Variants in ZFPM1 observed in about 807,000 individuals in gnomAD.
ZFPM1 encodes the protein zinc finger protein, FOG family member 1.
ZFPM1 carries 28 observed loss-of-function variants against 46.3 expected under a neutral mutation model. That is an observed-to-expected ratio of 0.60 (90% CI 0.45 to 0.83). ZFPM1 has a LOEUF of 0.83. ZFPM1 is among the 40% of genes least tolerant of loss of function. The pLI, the probability that ZFPM1 is intolerant of heterozygous loss-of-function variation, is 0.00. For synonymous variants in ZFPM1, 957 were observed against 675.9 expected, an observed-to-expected ratio of 1.42 and a Z score of -6.45; for missense variants, 1,878 against 1,432.4, an observed-to-expected ratio of 1.31 and a Z score of -5.02.
chr16:88,482,002 C>T (rs866645920), intron 1 of ZFPM1, among the ~76,000 whole-genome samples: 5 of 152,176 alleles, frequency 3.3e-5, no homozygotes, highest in African/African-American at 9.7e-5. Flanking sequence ...ATCTGTAGAC[C>T]GGGAAACTGA....
At chr16:88,456,439 G>C (rs1052106955) in intron 1 of ZFPM1, among the ~76,000 whole-genome samples, 2 of 152,160 alleles carry the variant, frequency 1.3e-5, no homozygotes, top group African/African-American at 4.8e-5. Context: ...AGACTGCTTT[G>C]GGGGAGGCCA....
chr16:88,452,533 C>T (rs144033621), upstream of ZFPM1, among the ~76,000 whole-genome samples: 1 of 152,392 alleles, frequency 6.6e-6, no homozygotes, highest in South Asian at 2.1e-4. Context: ...GACCCGAGAT[C>T]CTGCTCTCAG....
chr16:88,507,080 C>G (rs1214241085), intron 3 of ZFPM1, among the ~76,000 whole-genome samples: 1 of 152,142 alleles, frequency 6.6e-6, no homozygotes, highest in African/African-American at 2.4e-5. Context: ...AGGGGCTTCA[C>G]GGAGGGCCCA....
intron 3 of ZFPM1, among the ~76,000 whole-genome samples, chr16:88,513,616 C>A (rs1361723467): frequency 2.6e-5 from 4 of 152,208 alleles, no homozygotes; most frequent in African/African-American, 9.7e-5. Flanking sequence ...GGCTGAGGCT[C>A]CAGGAGGCAG....
intron 1 of ZFPM1, 38 bp from the exon 2 acceptor site, chr16:88,485,901 A>G: frequency 6.2e-7 from 1 of 1,602,156 alleles, no homozygotes; most frequent in Non-Finnish European, 8.5e-7. Flanking sequence ...CTGTCCCCCC[A>G]GAGCTCCTCC....
intron 1 of ZFPM1, among the ~76,000 whole-genome samples, chr16:88,457,956 G>A (rs1432810333): frequency 6.6e-6 from 1 of 152,194 alleles, no homozygotes; most frequent in Non-Finnish European, 1.5e-5. Context: ...AGGGAAGGCA[G>A]ACAGCTCATG....
At chr16:88,483,891 C>T (rs564914248) in intron 1 of ZFPM1, among the ~76,000 whole-genome samples, 4 of 152,336 alleles carry the variant, frequency 2.6e-5, no homozygotes, top group South Asian at 4.1e-4. Context: ...CTGCATGGAA[C>T]GGCGGGGTCA....
chr16:88,466,996 G>A (rs1273727222), intron 1 of ZFPM1, among the ~76,000 whole-genome samples: 1 of 152,118 alleles, frequency 6.6e-6, no homozygotes, highest in East Asian at 1.9e-4. Flanking sequence ...ACGAGCCGGG[G>A]CGAGGGTCCC....
In ZFPM1 at chr16:88,535,093, G is replaced by A. The variant is rs1309892269; in HGVS notation, c.*114G>A. 5 of 1,271,952 alleles carry A rather than the reference G, an allele frequency of 3.9e-6. No individual in the cohort carries two copies. The South Asian group carries it at 6.4e-5, about 16-fold the overall frequency. The allele number at this position is 1,271,952 out of a possible 1,614,324, so 78.8% of individuals were successfully genotyped here. ...GGGAACCCCGCCACGCACAGGCCTC[G>A]GCGGAGGGGGCCGCAGGGGGCAGCG... On this transcript the variant is annotated 3_prime_UTR_variant, in exon 10 of 10. Transcript: ENST00000319555.
Position 88,534,862 on chromosome 16 carries a change from GC to G in ZFPM1, c.2907del (p.Asn970ThrfsTer36). ...TPSKGTPAPL[P>X]NGNHRYCRLC... is the part of the protein sequence containing the mutation. ...CCAGCAAGGGCACGCCGGCGCCGCT[GC>G]CCAACGGCAACCACCGGTACTGCCG... On this transcript the variant is annotated frameshift_variant, in exon 10 of 10. Transcript: ENST00000319555. LOFTEE classifies it high-confidence loss of function. The G allele has an allele frequency of 6.4e-7, 1 of 1,566,554 alleles. No individual in the cohort carries two copies.
chr16:88,478,496 GGCATCCCTGT>G (rs1908784045), intron 1 of ZFPM1, among the ~76,000 whole-genome samples: 1 of 152,364 alleles, frequency 6.6e-6, no homozygotes, highest in Non-Finnish European at 1.5e-5. Flanking sequence ...ACCTGGTGCC[GGCATCCCTGT>G]AAGGGGTCGC....
chr16:88,520,247 G>A (rs1403295821), intron 4 of ZFPM1, among the ~76,000 whole-genome samples: 1 of 151,610 alleles, frequency 6.6e-6, no homozygotes, highest in African/African-American at 2.4e-5. Context: ...CGGCTGGGTG[G>A]ATGGATAGAT....
At chr16:88,498,586 G>A (rs1378585730) in intron 3 of ZFPM1, among the ~76,000 whole-genome samples, 1 of 152,194 alleles carries the variant, frequency 6.6e-6, no homozygotes, top group Admixed American at 6.5e-5. Context: ...AACCCCACAT[G>A]TCCGAGGGGC....
chr16:88,461,429 G>T (rs941917461), intron 1 of ZFPM1, among the ~76,000 whole-genome samples: 3 of 152,174 alleles, frequency 2.0e-5, no homozygotes, highest in African/African-American at 7.2e-5. Flanking sequence ...CCAGTCTGGG[G>T]ACCGCTTCGG....
intron 3 of ZFPM1, among the ~76,000 whole-genome samples, chr16:88,491,195 G>A (rs1482706714): frequency 6.6e-6 from 1 of 152,224 alleles, no homozygotes; most frequent in African/African-American, 2.4e-5. Flanking sequence ...GCACTGTGGG[G>A]TCGGGAGGGG....
At chr16:88,500,679 C>T (rs1910199550) in intron 3 of ZFPM1, among the ~76,000 whole-genome samples, 1 of 152,238 alleles carries the variant, frequency 6.6e-6, no homozygotes, top group South Asian at 2.1e-4. Flanking sequence ...GGTGTCACCT[C>T]TCTCACCGCA....
In ZFPM1 at chr16:88,533,971, C is replaced by G. The variant is rs1223346602; in HGVS notation, c.2013C>G (p.Ser671Arg). The G allele has an allele frequency of 3.0e-6, 4 of 1,325,930 alleles. No individual in the cohort carries two copies. The East Asian group carries it at 1.9e-4, about 61-fold the overall frequency. 82.1% of individuals were successfully genotyped at this position (1,325,930 alleles called of 1,614,324 possible). A position where few individuals can be genotyped will look rare whatever the true frequency, so the allele number is the denominator to read the frequency against. Residue 671 changes from serine (S) to arginine (R), a missense_variant, in exon 10 of 10, where the codon AGC (serine) becomes AGG (arginine). Physicochemically the swap from Ser to Arg is moderately radical, Grantham distance 110. Coordinates refer to ENST00000319555, the MANE Select transcript of ZFPM1 (RefSeq NM_153813.3). ...RGSEGSQSPG[S>R]SVDDAEDDPS... ...GCGAGGGCAGCCAGAGCCCGGGTAG[C>G]TCCGTGGACGACGCGGAGGACGACC...
intron 3 of ZFPM1, among the ~76,000 whole-genome samples, chr16:88,500,815 G>C (rs2142399132): frequency 6.6e-6 from 1 of 152,374 alleles, no homozygotes; most frequent in Non-Finnish European, 1.5e-5. Context: ...TTCCCAGCAA[G>C]TCTGCGTGGT....
rs374060369 is a variant in ZFPM1 at position 88,511,546 on chromosome 16, G to T, written c.269-2841G>T. Among the ~76,000 whole-genome samples, 6 of 152,212 alleles carry T rather than the reference G, an allele frequency of 3.9e-5. No homozygotes were observed. In the East Asian group the frequency reaches 9.7e-4, roughly 25 times the overall value. ...CTCCAGGCCCCTCACCCTCACTCAC[G>T]GACACTTCCATCCATTCTCAGCCTT... is the stretch of plus-strand genomic sequence containing the variant. On this transcript the variant is annotated intron_variant, in intron 3 of 9. Transcript: ENST00000319555.
Sources: gnomAD v4.1 joint callset for allele counts (sites outside exome capture counted in the v4.1 genomes callset) on GRCh38, gnomAD v4.1.1 for gene constraint, MANE v1.5 for transcripts, NCBI Gene and HGNC (gene_info 2026-07-23, HGNC 2026-07-21) for gene names.